The following IL36RN variants were observed in gnomAD, a reference collection of about 807,000 sequenced individuals.
The protein encoded by IL36RN is interleukin 36 receptor antagonist, also known as interleukin-36 receptor antagonist protein.
Under a neutral mutation model 13.0 loss-of-function variants are expected in IL36RN, and 11 were observed. That is an observed-to-expected ratio of 0.85 (90% CI 0.53 to 1.40). IL36RN has a LOEUF of 1.40. Ranked by LOEUF, IL36RN falls within the 40% of genes most tolerant of loss-of-function variation. The pLI, the probability that IL36RN is intolerant of heterozygous loss-of-function variation, is 0.00. For missense variants in IL36RN, 195 were observed against 195.3 expected, an observed-to-expected ratio of 1.00 and a Z score of 0.01; for synonymous variants, 94 against 84.1, an observed-to-expected ratio of 1.12 and a Z score of -0.64.
rs760855986 is a variant in IL36RN, at chr2:113,060,839, C to T, written c.30-13C>T. 9 of 1,606,796 alleles carry T rather than the reference C, an allele frequency of 5.6e-6. No homozygotes were observed. The Admixed American group carries it at 1.5e-4, about 27-fold the overall frequency. ...CCTCCTAATGTAGTCCTCACCCCTT[C>T]CTGATGTTTCAGAATGAAGGACTCG... On this transcript the variant is annotated splice_polypyrimidine_tract_variant and intron_variant, in intron 2 of 4. Coordinates refer to ENST00000393200, the MANE Select transcript of IL36RN (RefSeq NM_012275.3).
At position 113,064,217 on chromosome 2, in the gene IL36RN, G is replaced by A. The variant is rs886054770; in HGVS notation, c.*1540G>A. The A allele has an allele frequency of 3.3e-5, 5 of 152,168 alleles. No individual in the cohort carries two copies. The highest frequency in any genetic ancestry group is 9.6e-5 in the African/African-American group (4 of 41,452). 9.4% of individuals were successfully genotyped at this position (152,168 alleles called of 1,614,324 possible). On this transcript the variant is annotated 3_prime_UTR_variant, in exon 5 of 5. Transcript: ENST00000393200. ...TCCCTAGAGGCTTTAGAGGGATAAC[G>A]GCTCTGCTGAAACCTTAATCTCAGA...
Position 113,064,327 on chromosome 2 carries a change from T to G in IL36RN, c.*1650T>G, listed in dbSNP as rs143422590. On this transcript the variant is annotated 3_prime_UTR_variant, in exon 5 of 5. Transcript: ENST00000393200. ...ATTGGTTACAGCAGCTCTAGGAAAC[T>G]AATACAGCTGCTAAAATGATCCCTG... is the stretch of plus-strand genomic sequence containing the variant. The G allele has an allele frequency of 6.6e-6, 1 of 152,226 alleles. No homozygotes were observed. Among genetic ancestry groups the G allele is most frequent in the South Asian group, 2.1e-4 (1 of 4,828 alleles). The allele number at this position is 152,226 out of a possible 1,614,324, so 9.4% of individuals were successfully genotyped here. A position where few individuals can be genotyped will look rare whatever the true frequency, so the allele number is the denominator to read the frequency against.
intron 1 of IL36RN, 58 bp downstream of exon 1, chr2:113,059,299 T>C: frequency 1.2e-6 from 1 of 867,332 alleles, no homozygotes; most frequent in South Asian, 1.4e-5. Flanking sequence ...ACCCAGAATC[T>C]GCTCCGTGGA....
Position 113,060,840 on chromosome 2 carries a change from C to T in IL36RN, c.30-12C>T, listed in dbSNP as rs764444805. ...CTCCTAATGTAGTCCTCACCCCTTCCTGATGTTTCAGAATGAAGGACTCGG... is the reference window on the plus strand; with the variant it reads ...CTCCTAATGTAGTCCTCACCCCTTCTTGATGTTTCAGAATGAAGGACTCGG... On this transcript the variant is annotated splice_polypyrimidine_tract_variant and intron_variant, in intron 2 of 4. Coordinates refer to ENST00000393200, the MANE Select transcript of IL36RN (RefSeq NM_012275.3). 2.3e-5 allele frequency: 37 copies of T among 1,607,712 alleles called. No individual in the cohort carries two copies. The African/African-American group carries it at 3.7e-4, about 16-fold the overall frequency.
At chr2:113,059,052 C>T (rs28938769), upstream of IL36RN, 351 of 306,900 alleles carry the variant, frequency 1.1e-3, 3 homozygotes, top group African/African-American at 6.9e-3. Flanking sequence ...GCTTCCCTCC[C>T]CACGACAGAT....
At chr2:113,061,125 G>C (rs2515395) in intron 3 of IL36RN, among the ~76,000 whole-genome samples, 188 bp downstream of exon 3, 104,588 of 152,128 alleles carry the variant, frequency 0.69, 36,745 homozygotes, top group East Asian at 0.93. Context: ...TGAAGACACA[G>C]GCTCTGGGGC....
intron 3 of IL36RN, 148 bp downstream of exon 3, chr2:113,061,085 G>T: frequency 1.4e-6 from 1 of 708,750 alleles, no homozygotes. Context: ...CTAAGCAAAG[G>T]CAAATAAAAT....
Position 113,063,096 on chromosome 2 carries a change from T to C in IL36RN, c.*419T>C, listed in dbSNP as rs748951274. 7 of 318,010 alleles carry C rather than the reference T, an allele frequency of 2.2e-5. No individual in the cohort carries two copies. The highest frequency in any genetic ancestry group is 4.3e-5 in the Non-Finnish European group (7 of 163,370). 19.7% of individuals were successfully genotyped at this position (318,010 alleles called of 1,614,324 possible). A position where few individuals can be genotyped will look rare whatever the true frequency, so the allele number is the denominator to read the frequency against. ...CATGAAGACCTGTCACTCACCACTA[T>C]GCAGGAGAGGGAGGTGGTCATAGAG... On this transcript the variant is annotated 3_prime_UTR_variant, in exon 5 of 5. Coordinates refer to ENST00000393200, the MANE Select transcript of IL36RN (RefSeq NM_012275.3).
At position 113,062,625 on chromosome 2, in the gene IL36RN, A is replaced by G. The variant is rs948564007; in HGVS notation, c.416A>G (p.Asn139Ser). The G allele has an allele frequency of 1.2e-6, 2 of 1,613,344 alleles. No individual in the cohort carries two copies. Among genetic ancestry groups the G allele is most frequent in the Admixed American group, 3.3e-5 (2 of 60,014 alleles). Residue 139 changes from asparagine (N) to serine (S), a missense_variant, in exon 5 of 5, where the codon AAT becomes AGT. Transcript: ENST00000393200. The part of the protein sequence containing the change: ...QPVRLTQLPE[N>S]GGWNAPITDF... ...GTCAGACTCACCCAGCTTCCCGAGA[A>G]TGGTGGCTGGAATGCCCCCATCACA...
At chr2:113,061,404 C>T (rs577051648) in intron 3 of IL36RN, among the ~76,000 whole-genome samples, 28 of 152,316 alleles carry the variant, frequency 1.8e-4, no homozygotes, top group African/African-American at 6.3e-4. Context: ...CTCCTGCTTG[C>T]TCACTCTGCC....
chr2:113,060,973 C>T, intron 3 of IL36RN, 36 bp downstream of exon 3: 1 of 1,492,640 alleles, frequency 6.7e-7, no homozygotes, highest in Non-Finnish European at 9.4e-7. Flanking sequence ...TCCTTGGTCT[C>T]TATACACTCT....
intron 3 of IL36RN, among the ~76,000 whole-genome samples, chr2:113,061,470 A>G (rs1685638045): frequency 6.6e-6 from 1 of 152,088 alleles, no homozygotes; most frequent in Non-Finnish European, 1.5e-5. Context: ...CACCTGGGGC[A>G]CCCTTGCTGA....
In IL36RN at chr2:113,063,855, A is replaced by C. The variant is rs1158549265; in HGVS notation, c.*1178A>C. On this transcript the variant is annotated 3_prime_UTR_variant, in exon 5 of 5. Coordinates refer to ENST00000393200, the MANE Select transcript of IL36RN (RefSeq NM_012275.3). Reference sequence around the variant, plus strand: ...GAAGGATCACAGCCCCTGGGATTCCAAGGCATTGGATCCAGTCTCTAAGAA... The same window carrying C: ...GAAGGATCACAGCCCCTGGGATTCCCAGGCATTGGATCCAGTCTCTAAGAA... 6.6e-6 allele frequency: 1 copy of C among 152,226 alleles called. No homozygotes were observed. The highest frequency in any genetic ancestry group is 1.5e-5 in the Non-Finnish European group (1 of 68,042). 9.4% of individuals were successfully genotyped at this position (152,226 alleles called of 1,614,324 possible). A position where few individuals can be genotyped will look rare whatever the true frequency, so the allele number is the denominator to read the frequency against.
In IL36RN at chr2:113,062,529, T is replaced by C. The variant is rs1248223261; in HGVS notation, c.320T>C (p.Leu107Pro). Residue 107 changes from leucine to proline, a missense_variant, in exon 5 of 5, where the codon CTC becomes CCC. Leu to Pro is a moderately conservative substitution (Grantham distance 98). Coordinates refer to ENST00000393200, the MANE Select transcript of IL36RN (RefSeq NM_012275.3). ...SFTFYRRDMG[L>P]TSSFESAAYP... ...ACCTTCTACCGGCGGGACATGGGGC[T>C]CACCTCCAGCTTCGAGTCGGCTGCC... is the stretch of plus-strand genomic sequence containing the variant. 6.2e-7 allele frequency: 1 copy of C among 1,614,054 alleles called. No homozygotes were observed. The highest frequency in any genetic ancestry group is 8.5e-7 in the Non-Finnish European group (1 of 1,180,006).
chr2:113,061,622 A>G (rs1685641202), intron 3 of IL36RN, among the ~76,000 whole-genome samples: 1 of 152,022 alleles, frequency 6.6e-6, no homozygotes, highest in African/African-American at 2.4e-5. Context: ...GTGTGAGTGC[A>G]GGTATGTAGG....
chr2:113,062,444 T>C lies in IL36RN; in HGVS notation c.244-9T>C. 6.2e-7 allele frequency: 1 copy of C among 1,613,998 alleles called. No individual in the cohort carries two copies. The highest frequency in any genetic ancestry group is 2.2e-5 in the East Asian group (1 of 44,830). ...TGCCCTCACCTGACCTCCCCTCCTC[T>C]GCCGGCAGCCAGTGAACATCATGGA... On this transcript the variant is annotated splice_polypyrimidine_tract_variant and intron_variant, in intron 4 of 4. Transcript: ENST00000393200.
chr2:113,059,499 C>T (rs1685597162), intron 2 of IL36RN, 32 bp downstream of exon 2: 1 of 1,613,158 alleles, frequency 6.2e-7, no homozygotes, highest in East Asian at 2.2e-5. Flanking sequence ...TTGGTGGTGT[C>T]CTCCGGAGGA....
chr2:113,059,104 A>T, upstream of IL36RN: 1 of 404,138 alleles, frequency 2.5e-6, no homozygotes, highest in Non-Finnish European at 4.6e-6. Flanking sequence ...GTGATGTGAA[A>T]TCACGCTGGG....
rs200453384 is a variant in IL36RN, at chr2:113,060,952, A to G, written c.115+15A>G. 111 of 1,599,584 alleles carry G rather than the reference A, an allele frequency of 6.9e-5. No homozygotes were observed. In the African/African-American group the frequency reaches 1.2e-3, roughly 18 times the overall value. ...GGTCATTAAAGGTTGGTGATGAAAC[A>G]TGACCCACTTTCCTTGGTCTCTATA... On this transcript the variant is annotated intron_variant, in intron 3 of 4. Transcript: ENST00000393200.
Sources: allele counts gnomAD v4.1 joint callset (sites outside exome capture counted in the v4.1 genomes callset), GRCh38; gene constraint gnomAD v4.1.1; transcripts MANE v1.5; gene names NCBI Gene and HGNC (gene_info 2026-07-23, HGNC 2026-07-21).